Variants in NALCN observed in about 807,000 individuals in gnomAD.
NALCN encodes the protein sodium leak channel, non-selective.
Under a neutral mutation model 225.3 loss-of-function variants are expected in NALCN, and 111 were observed. That is an observed-to-expected ratio of 0.49 (90% CI 0.42 to 0.58). NALCN has a LOEUF of 0.58. Ranked by LOEUF, NALCN falls within the 20% of genes least tolerant of loss-of-function variation. The pLI is 0.00. For synonymous variants in NALCN, 764 were observed against 769.0 expected (o/e 0.99, Z 0.11); for missense variants, 1,378 against 2,202.4 (o/e 0.63, Z 7.49).
chr13:101,106,713 TC>T (rs2139626947), intron 22 of NALCN, among the ~76,000 whole-genome samples: 1 of 152,172 alleles, frequency 6.6e-6, no homozygotes, highest in South Asian at 2.1e-4. Context: ...CACTTCCCTC[TC>T]TTGTCTGCTG....
chr13:101,217,139 T>C (rs1303009967), intron 13 of NALCN, among the ~76,000 whole-genome samples: 1 of 141,404 alleles, frequency 7.1e-6, no homozygotes. Flanking sequence ...TTGCTTTCTA[T>C]AATAAATGGA....
intron 14 of NALCN, among the ~76,000 whole-genome samples, chr13:101,182,061 G>C (rs2039254606): frequency 6.8e-6 from 1 of 147,130 alleles, no homozygotes; most frequent in Non-Finnish European, 1.5e-5. Context: ...GTGAACCCGG[G>C]AGGCGGAGCT....
intron 9 of NALCN, among the ~76,000 whole-genome samples, chr13:101,285,766 G>C (rs997403196): frequency 1.3e-5 from 2 of 152,260 alleles, no homozygotes; most frequent in East Asian, 3.9e-4. Flanking sequence ...GACATCAGTG[G>C]AGATGCAAAC....
At chr13:101,162,095 C>A (rs1006930915) in intron 15 of NALCN, among the ~76,000 whole-genome samples, 1 of 152,174 alleles carries the variant, frequency 6.6e-6, no homozygotes, top group African/African-American at 2.4e-5. Context: ...TCTTGCAAAA[C>A]TTAGCTCTCC....
chr13:101,310,297 C>T (rs1285912700), intron 7 of NALCN, among the ~76,000 whole-genome samples: 1 of 152,162 alleles, frequency 6.6e-6, no homozygotes, highest in Non-Finnish European at 1.5e-5. Flanking sequence ...CTACGTGATC[C>T]ATTCCTTGTT....
At chr13:101,375,413 C>G (rs892289280) in intron 6 of NALCN, among the ~76,000 whole-genome samples, 1 of 152,150 alleles carries the variant, frequency 6.6e-6, no homozygotes, top group East Asian at 1.9e-4. Context: ...GATGTCTATA[C>G]TCACAGAGAT....
At chr13:101,367,833 T>C (rs1053806403) in intron 6 of NALCN, among the ~76,000 whole-genome samples, 3 of 152,128 alleles carry the variant, frequency 2.0e-5, no homozygotes, top group Admixed American at 2.0e-4. Flanking sequence ...CAGTTCATTA[T>C]GGTCTTCAGA....
At chr13:101,099,732 T>C (rs944552485) in intron 27 of NALCN, among the ~76,000 whole-genome samples, 4 of 152,174 alleles carry the variant, frequency 2.6e-5, no homozygotes, top group Non-Finnish European at 5.9e-5. Flanking sequence ...CTCTGCTCTT[T>C]ACAGAGGAAT....
chr13:101,356,906 T>C (rs186612627), intron 6 of NALCN, among the ~76,000 whole-genome samples: 1 of 152,242 alleles, frequency 6.6e-6, no homozygotes, highest in East Asian at 1.9e-4. Flanking sequence ...ATAAACGTAA[T>C]TCATCACATA....
At chr13:101,067,798 C>A in intron 39 of NALCN, 120 bp downstream of exon 39, 1 of 722,846 alleles carries the variant, frequency 1.4e-6, no homozygotes, top group Admixed American at 2.6e-5. Flanking sequence ...TGGCTTTCTG[C>A]AATTCACCAT....
At chr13:101,396,129 C>T (rs560374105) in intron 2 of NALCN, among the ~76,000 whole-genome samples, 1 of 152,072 alleles carries the variant, frequency 6.6e-6, no homozygotes, top group South Asian at 2.1e-4. Context: ...ACAGGCATGT[C>T]TGCTGTCTGA....
intron 13 of NALCN, among the ~76,000 whole-genome samples, chr13:101,192,665 A>T (rs1833013919): frequency 7.3e-6 from 1 of 136,110 alleles, no homozygotes; most frequent in African/African-American, 3.2e-5. Flanking sequence ...CCAAGACCAA[A>T]AAAACAAACA....
At chr13:101,346,965 A>T (rs1259423991) in intron 6 of NALCN, among the ~76,000 whole-genome samples, 1 of 152,138 alleles carries the variant, frequency 6.6e-6, no homozygotes, top group Admixed American at 6.6e-5. Context: ...CAGTCACGTG[A>T]GTTTCTGACC....
At chr13:101,096,564 G>A (rs2034514289) in intron 27 of NALCN, among the ~76,000 whole-genome samples, 1 of 152,156 alleles carries the variant, frequency 6.6e-6, no homozygotes, top group Non-Finnish European at 1.5e-5. Context: ...AGGTCTTGAG[G>A]TGGAGGCTAA....
At position 101,074,564 on chromosome 13, in the gene NALCN, A is replaced by G. The variant is rs2033124841; in HGVS notation, c.4053T>C (p.Phe1351=). ...CAGTACCAAATAAAACAACTCCAGC[A>G]AAAGCGTAACACAGCAGCAAGAGAA... is the stretch of plus-strand genomic sequence containing the variant. The part of the protein sequence containing the change: ...GMFLLLLCYA[F]AGVVLFGTVK... Residue 1351 remains phenylalanine, a synonymous_variant, in exon 36 of 44, where the codon TTT becomes TTC. Transcript: ENST00000251127. 2 of 1,613,624 alleles carry G rather than the reference A, an allele frequency of 1.2e-6. No individual in the cohort carries two copies. The highest frequency in any genetic ancestry group is 1.7e-6 in the Non-Finnish European group (2 of 1,179,978).
At chr13:101,100,031 A>C (rs2034719828) in intron 27 of NALCN, among the ~76,000 whole-genome samples, 1 of 152,182 alleles carries the variant, frequency 6.6e-6, no homozygotes, top group Non-Finnish European at 1.5e-5. Flanking sequence ...CAATGACTGA[A>C]GAAAGAGAAA....
At chr13:101,084,697 T>A (rs1237956977) in intron 30 of NALCN, among the ~76,000 whole-genome samples, 1 of 152,170 alleles carries the variant, frequency 6.6e-6, no homozygotes, top group African/African-American at 2.4e-5. Flanking sequence ...ACAAACACCA[T>A]CCACTGTACG....
rs151269082 is a variant in NALCN, at chr13:101,239,291, A to G, written c.1267-1369T>C. ...TGTCATTGTCCTCTGTCAAGTTCAT[A>G]CTTTCTATACACTTATTATGTATAA... is the stretch of plus-strand genomic sequence containing the variant. On this transcript the variant is annotated intron_variant, in intron 11 of 43. Transcript: ENST00000251127. Among the ~76,000 whole-genome samples the G allele has an allele frequency of 7.2e-3, 1,101 of 152,048 alleles. 10 individuals carry two copies. The highest frequency in any genetic ancestry group is 0.028 in the South Asian group (135 of 4,822).
chr13:101,090,081 C>T (rs1046834410), intron 28 of NALCN, 115 bp from the exon 29 acceptor site: 5 of 1,396,634 alleles, frequency 3.6e-6, no homozygotes, highest in Admixed American at 1.9e-5. Context: ...TGTGTATATA[C>T]ACACACATAT....
Sources: allele counts gnomAD v4.1 joint callset (sites outside exome capture counted in the v4.1 genomes callset), GRCh38; gene constraint gnomAD v4.1.1; transcripts MANE v1.5; gene names NCBI Gene and HGNC (gene_info 2026-07-23, HGNC 2026-07-21).